ADAM10: variants seen among roughly 807,000 people sequenced by gnomAD.
ADAM10 encodes the protein disintegrin and metalloproteinase domain-containing protein 10.
A neutral mutation model predicts 90.1 loss-of-function variants in ADAM10; 17 were observed. The observed-to-expected ratio is 0.19, with a 90% CI of 0.13 to 0.28. The LOEUF is 0.28. Among genes scored for constraint, ADAM10 ranks in the 10% least tolerant of loss-of-function variants. The probability of loss-of-function intolerance (pLI) is 1.00; values close to 1 mark genes in which losing one functional copy is unlikely to be tolerated. For synonymous variants in ADAM10, 310 were observed against 298.6 expected, an observed-to-expected ratio of 1.04 and a Z score of -0.40; for missense variants, 610 against 914.3, an observed-to-expected ratio of 0.67 and a Z score of 4.29.
chr15:58,637,415 C>A (rs1252598694), intron 8 of ADAM10, among the ~76,000 whole-genome samples: 3 of 152,060 alleles, frequency 2.0e-5, no homozygotes, highest in African/African-American at 7.2e-5. Flanking sequence ...GACAGAACTA[C>A]AATGAAAAAA....
intron 2 of ADAM10, among the ~76,000 whole-genome samples, chr15:58,716,414 T>A (rs1054357719): frequency 6.6e-6 from 1 of 152,162 alleles, no homozygotes; most frequent in Admixed American, 6.6e-5. Context: ...AATTAAAAAG[T>A]AAAGTGTCTA....
At chr15:58,715,409 T>G (rs1246553714) in intron 2 of ADAM10, among the ~76,000 whole-genome samples, 41 of 143,142 alleles carry the variant, frequency 2.9e-4, no homozygotes. Context: ...AGCAAGACTC[T>G]GTCTCAAAAA....
chr15:58,727,176 C>CT lies in ADAM10; in HGVS notation c.56-9450dup, dbSNP rs779017607. 5.1e-3 allele frequency among the ~76,000 whole-genome samples: 395 copies of CT among 77,986 alleles called. 31 individuals are homozygous for CT. Among genetic ancestry groups the CT allele is most frequent in the Non-Finnish European group, 7.4e-3 (310 of 42,056 alleles). The allele number at this position is 77,986 out of a possible 152,430, so 51.2% of individuals were successfully genotyped here. A position where few individuals can be genotyped will look rare whatever the true frequency, so the allele number is the denominator to read the frequency against. On this transcript the variant is annotated intron_variant, in intron 1 of 15. Transcript: ENST00000260408. ...CACCACCATGCCATGCCTGACTAATCTTTTTTTTTTTTTTTTTTTTTTTTT... is the reference window on the plus strand; with the variant it reads ...CACCACCATGCCATGCCTGACTAATCTTTTTTTTTTTTTTTTTTTTTTTTTT...
At chr15:58,644,430 T>A (rs1209271946) in intron 6 of ADAM10, among the ~76,000 whole-genome samples, 2 of 152,096 alleles carry the variant, frequency 1.3e-5, no homozygotes, top group African/African-American at 4.8e-5. Flanking sequence ...GGTTTCACTA[T>A]CTTGGCCAGG....
chr15:58,688,002 T>C (rs966430880), intron 2 of ADAM10, among the ~76,000 whole-genome samples: 2 of 152,174 alleles, frequency 1.3e-5, no homozygotes, highest in African/African-American at 4.8e-5. Flanking sequence ...AGACTACCCA[T>C]GTGACAAAAT....
intron 2 of ADAM10, among the ~76,000 whole-genome samples, chr15:58,706,520 C>G (rs532402047): frequency 1.3e-5 from 2 of 152,086 alleles, no homozygotes; most frequent in African/African-American, 4.8e-5. Context: ...TTATTTTGAG[C>G]CAATTATCTT....
At chr15:58,648,754 T>C (rs1444199179) in intron 5 of ADAM10, among the ~76,000 whole-genome samples, 1 of 152,144 alleles carries the variant, frequency 6.6e-6, no homozygotes, top group African/African-American at 2.4e-5. Flanking sequence ...TATTCTGAAG[T>C]TATAATATTA....
rs756019865 is a variant in ADAM10, at chr15:58,611,904, T to C, written c.1599A>G (p.Glu533=). The part of the protein sequence containing the change: ...KCRDDSDCAR[E]GICNGFTALC... Reference sequence around the variant, plus strand: ...GAGCTGTGAAGCCATTACATATTCCTTCCCTTGCACAGTCTGAATCATCCC... The same window carrying C: ...GAGCTGTGAAGCCATTACATATTCCCTCCCTTGCACAGTCTGAATCATCCC... The change falls in exon 12 of 16, where the codon GAA becomes GAG. Residue 533 remains glutamate, a synonymous_variant. Transcript: ENST00000260408. The C allele has an allele frequency of 5.0e-6, 8 of 1,614,220 alleles. No individual in the cohort carries two copies. Among genetic ancestry groups the C allele is most frequent in the Non-Finnish European group, 6.8e-6 (8 of 1,180,032 alleles).
At chr15:58,690,158 G>A (rs1251638241) in intron 2 of ADAM10, among the ~76,000 whole-genome samples, 1 of 152,062 alleles carries the variant, frequency 6.6e-6, no homozygotes, top group Non-Finnish European at 1.5e-5. Context: ...ATCTCATTAG[G>A]TACAGAAAAA....
intron 2 of ADAM10, among the ~76,000 whole-genome samples, chr15:58,705,545 G>C (rs562750552): frequency 1.1e-4 from 16 of 152,270 alleles, no homozygotes; most frequent in African/African-American, 3.9e-4. Flanking sequence ...CGTAGTAATA[G>C]CTGGTTTTTC....
intron 5 of ADAM10, among the ~76,000 whole-genome samples, chr15:58,655,953 G>A (rs1326200225): frequency 1.3e-5 from 2 of 150,912 alleles, no homozygotes; most frequent in African/African-American, 2.4e-5. Flanking sequence ...CGCCATGTTG[G>A]CCAGGCTGGT....
intron 4 of ADAM10, among the ~76,000 whole-genome samples, chr15:58,673,803 C>G (rs1897252667): frequency 2.0e-5 from 3 of 151,438 alleles, no homozygotes; most frequent in South Asian, 4.2e-4. Flanking sequence ...GGCATGATCT[C>G]GGCTCACTGC....
rs201757640 is a variant in ADAM10, at chr15:58,644,015, T to A, written c.736-37A>T. The A allele has an allele frequency of 1.1e-3, 1,572 of 1,414,880 alleles. 27 individuals carry two copies. In the South Asian group the frequency reaches 0.017, roughly 16 times the overall value. The allele number at this position is 1,414,880 out of a possible 1,614,324, so 87.6% of individuals were successfully genotyped here. On this transcript the variant is annotated intron_variant, in intron 6 of 15. Transcript: ENST00000260408. ...AAAAAAGAACATTTTAGAGGCAATG[T>A]TGAAATATGAAAAAGATTATAAATT...
intron 2 of ADAM10, among the ~76,000 whole-genome samples, chr15:58,684,093 T>C (rs762927592): frequency 6.6e-6 from 1 of 152,288 alleles, no homozygotes; most frequent in South Asian, 2.1e-4. Context: ...TCACACAGTA[T>C]AAATTCTATG....
At chr15:58,651,094 AT>A (rs1896675048) in intron 5 of ADAM10, among the ~76,000 whole-genome samples, 1 of 151,954 alleles carries the variant, frequency 6.6e-6, no homozygotes, top group Non-Finnish European at 1.5e-5. Context: ...TATCTATTAA[AT>A]TTTTTTATTT....
At position 58,590,869 on chromosome 15, in the gene ADAM10, TAA is replaced by T. The variant is rs1369023504; in HGVS notation, c.*6676_*6677del. On this transcript the variant is annotated 3_prime_UTR_variant, in exon 16 of 16. Coordinates refer to ENST00000260408, the MANE Select transcript of ADAM10 (RefSeq NM_001110.4). ...CATGCAAATGGAACCACTTTTTATA[TAA>T]GACAACCTACACTCTTATCAAATTA... 1.3e-5 allele frequency: 2 copies of T among 152,324 alleles called. No homozygotes were observed. The highest frequency in any genetic ancestry group is 6.5e-5 in the Admixed American group (1 of 15,294). The allele number at this position is 152,324 out of a possible 1,614,324, so 9.4% of individuals were successfully genotyped here.
In ADAM10 at chr15:58,649,661, A is replaced by T. The variant is rs114060046; in HGVS notation, c.586-3457T>A. Reference sequence around the variant, plus strand: ...TGCTTCCAATGAGAAATGAGCTGCCATGTTTACTGTTGCTTAAGAGTGATT... The same window carrying T: ...TGCTTCCAATGAGAAATGAGCTGCCTTGTTTACTGTTGCTTAAGAGTGATT... On this transcript the variant is annotated intron_variant, in intron 5 of 15. Transcript: ENST00000260408. Among the ~76,000 whole-genome samples, 1,366 of 152,294 alleles carry T rather than the reference A, an allele frequency of 9.0e-3. 26 individuals carry two copies. The highest frequency in any genetic ancestry group is 0.031 in the African/African-American group (1,308 of 41,568).
intron 3 of ADAM10, among the ~76,000 whole-genome samples, chr15:58,681,745 G>A (rs1897448617): frequency 6.6e-6 from 1 of 152,150 alleles, no homozygotes; most frequent in Non-Finnish European, 1.5e-5. Flanking sequence ...TGTGAATAAA[G>A]CAAATAGATT....
chr15:58,677,899 G>A (rs1897332597), intron 4 of ADAM10, among the ~76,000 whole-genome samples: 1 of 152,126 alleles, frequency 6.6e-6, no homozygotes, highest in Non-Finnish European at 1.5e-5. Context: ...TACCCTGATA[G>A]GGGAGGTAAC....
Sources: allele counts gnomAD v4.1 joint callset (sites outside exome capture counted in the v4.1 genomes callset), GRCh38; gene constraint gnomAD v4.1.1; transcripts MANE v1.5; gene names NCBI Gene and HGNC (gene_info 2026-07-23, HGNC 2026-07-21).